The following CPAMD8 variants were observed in gnomAD, a reference collection of about 807,000 sequenced individuals.
CPAMD8 encodes C3 and PZP like alpha-2-macroglobulin domain containing 8.
Under a neutral mutation model 224.7 loss-of-function variants are expected in CPAMD8, and 146 were observed. That is an observed-to-expected ratio of 0.65 (90% CI 0.57 to 0.75). CPAMD8 has a LOEUF of 0.75. Ranked by LOEUF, CPAMD8 falls within the 30% of genes least tolerant of loss-of-function variation. The probability of loss-of-function intolerance (pLI) is 0.00; values close to 1 mark genes in which losing one functional copy is unlikely to be tolerated. For missense variants in CPAMD8, 2,301 were observed against 2,537.5 expected (o/e 0.91, Z 2.00); for synonymous variants, 966 against 1,044.6 (o/e 0.92, Z 1.45).
chr19:16,961,404 G>C (rs2054650537), intron 18 of CPAMD8, among the ~76,000 whole-genome samples: 1 of 152,270 alleles, frequency 6.6e-6, no homozygotes, highest in Non-Finnish European at 1.5e-5. Context: ...GCAGAGCCTT[G>C]CTCACTGCTA....
chr19:16,962,682 A>G lies in CPAMD8; in HGVS notation c.2214-4767T>C, dbSNP rs142306424. ...GCAGGCCAACATTCAAATTCAGGAAATAAAGAGAACACCACAAAGATATTC... is the reference window on the plus strand; with the variant it reads ...GCAGGCCAACATTCAAATTCAGGAAGTAAAGAGAACACCACAAAGATATTC... On this transcript the variant is annotated intron_variant, in intron 18 of 41. Coordinates refer to ENST00000443236, the MANE Select transcript of CPAMD8 (RefSeq NM_015692.5). Among the ~76,000 whole-genome samples the G allele has an allele frequency of 4.1e-3, 625 of 152,328 alleles. 8 individuals carry two copies. Among genetic ancestry groups the G allele is most frequent in the African/African-American group, 0.014 (601 of 41,570 alleles).
chr19:16,921,263 C>T (rs537205979), intron 27 of CPAMD8, among the ~76,000 whole-genome samples: 63 of 152,254 alleles, frequency 4.1e-4, no homozygotes, highest in Non-Finnish European at 4.4e-4. Flanking sequence ...GCAGTTTCCA[C>T]GCTCACAGCT....
chr19:17,009,106 A>G, intron 6 of CPAMD8, 197 bp downstream of exon 6: 1 of 784,326 alleles, frequency 1.3e-6, no homozygotes, highest in Non-Finnish European at 2.0e-6. Flanking sequence ...CAAAAAAAAA[A>G]AGGAAACGGA....
Position 16,970,549 on chromosome 19 carries a change from G to A in CPAMD8, c.2213+342C>T, listed in dbSNP as rs377242890. 1.9e-4 allele frequency among the ~76,000 whole-genome samples: 29 copies of A among 152,010 alleles called. No homozygotes were observed. In the East Asian group the frequency reaches 5.4e-3, roughly 28 times the overall value. ...GCAGGGAGCCAAGATCACACCACTG[G>A]GGGTGTGGTCACACAGCCTGGGGGA... On this transcript the variant is annotated intron_variant, in intron 18 of 41. Transcript: ENST00000443236.
In CPAMD8 at chr19:16,893,095, T is replaced by G. The variant is rs2051823124; in HGVS notation, c.*13A>C. The G allele has an allele frequency of 1.7e-6, 2 of 1,185,176 alleles. No individual in the cohort carries two copies. Among genetic ancestry groups the G allele is most frequent in the Admixed American group, 1.7e-5 (1 of 58,478 alleles). 73.4% of individuals were successfully genotyped at this position (1,185,176 alleles called of 1,614,324 possible). On this transcript the variant is annotated 3_prime_UTR_variant, in exon 42 of 42. Transcript: ENST00000443236. ...ACCAAACTGCGGTCCCACAACTGCA[T>G]GTGGTTGTAGGATTATCTCAAGGTG...
intron 18 of CPAMD8, among the ~76,000 whole-genome samples, chr19:16,966,559 TACA>T (rs2054833828): frequency 6.6e-6 from 1 of 152,138 alleles, no homozygotes; most frequent in Non-Finnish European, 1.5e-5. Flanking sequence ...ACAGGCAACC[TACA>T]GATTGGGAGA....
At chr19:16,966,979 CCGTTA>C (rs2054849046) in intron 18 of CPAMD8, among the ~76,000 whole-genome samples, 1 of 152,070 alleles carries the variant, frequency 6.6e-6, no homozygotes, top group East Asian at 1.9e-4. Flanking sequence ...CCCAGCAATC[CCGTTA>C]CTGGATATAT....
chr19:17,004,704 T>C (rs1254161541), intron 7 of CPAMD8, among the ~76,000 whole-genome samples: 1 of 152,030 alleles, frequency 6.6e-6, no homozygotes, highest in Non-Finnish European at 1.5e-5. Flanking sequence ...GCCCGGCTCA[T>C]TCACTCCATC....
intron 18 of CPAMD8, among the ~76,000 whole-genome samples, chr19:16,970,238 C>CAAAAAAAAAAAA (rs34399675): frequency 1.1e-5 from 1 of 92,654 alleles, no homozygotes; most frequent in African/African-American, 4.3e-5. Context: ...GACTCTGTCT[C>CAAAAAAAAAAAA]AAAAAAAAAA....
chr19:17,025,316 G>A (rs780764238), intron 1 of CPAMD8, among the ~76,000 whole-genome samples: 28 of 152,184 alleles, frequency 1.8e-4, no homozygotes, highest in Non-Finnish European at 3.8e-4. Flanking sequence ...GGAGGCTGAG[G>A]CAGGAGAGTC....
intron 18 of CPAMD8, among the ~76,000 whole-genome samples, chr19:16,961,101 C>T (rs938892245): frequency 8.5e-5 from 13 of 152,236 alleles, no homozygotes; most frequent in Admixed American, 6.5e-5. Flanking sequence ...GTGATTGACA[C>T]GGAAGATGGG....
intron 2 of CPAMD8, 147 bp downstream of exon 2, chr19:17,021,883 T>A (rs928589015): frequency 1.4e-6 from 1 of 713,152 alleles, no homozygotes; most frequent in Admixed American, 2.9e-5. Flanking sequence ...ATGCAACCTG[T>A]CTTCCCTCCC....
chr19:16,907,663 A>C (rs1156532772), intron 29 of CPAMD8: 1 of 148,730 alleles, frequency 6.7e-6, no homozygotes, highest in East Asian at 2.1e-4. Flanking sequence ...GCTGGAGTGC[A>C]GTGGCACGAT....
At chr19:16,972,714 G>A (rs2055108233) in intron 17 of CPAMD8, among the ~76,000 whole-genome samples, 2 of 152,260 alleles carry the variant, frequency 1.3e-5, no homozygotes, top group South Asian at 2.1e-4. Context: ...GATTACAGGC[G>A]TGAGCCACCG....
intron 27 of CPAMD8, among the ~76,000 whole-genome samples, chr19:16,918,453 T>G (rs1275428181): frequency 2.0e-5 from 3 of 151,512 alleles, no homozygotes; most frequent in Non-Finnish European, 4.4e-5. Flanking sequence ...TTTTTTTTTT[T>G]TTTTTTTTTT....
At chr19:17,014,683 TATTC>T (rs1255942853) in intron 3 of CPAMD8, among the ~76,000 whole-genome samples, 4 of 152,150 alleles carry the variant, frequency 2.6e-5, no homozygotes, top group Non-Finnish European at 2.9e-5. Context: ...TTGTGAGACT[TATTC>T]ATTACCATGA....
At chr19:16,981,912 A>ATG (rs1388686522) in intron 13 of CPAMD8, among the ~76,000 whole-genome samples, 1 of 152,196 alleles carries the variant, frequency 6.6e-6, no homozygotes, top group African/African-American at 2.4e-5. Flanking sequence ...CAATGAGATG[A>ATG]TGTGTGTGTC....
intron 41 of CPAMD8, chr19:16,893,559 A>C: frequency 2.1e-6 from 1 of 468,822 alleles, no homozygotes; most frequent in Non-Finnish European, 3.8e-6. Context: ...ACCACCCCGG[A>C]GAAGATGGGC....
At chr19:16,975,854 G>C in intron 16 of CPAMD8, 148 bp downstream of exon 16, 1 of 760,980 alleles carries the variant, frequency 1.3e-6, no homozygotes, top group Admixed American at 3.8e-5. Flanking sequence ...ACACCCATTA[G>C]GTTCCCTGAA....
Sources: allele counts gnomAD v4.1 joint callset (sites outside exome capture counted in the v4.1 genomes callset), GRCh38; gene constraint gnomAD v4.1.1; transcripts MANE v1.5; gene names NCBI Gene and HGNC (gene_info 2026-07-23, HGNC 2026-07-21).